The following SHISA9 variants were observed in gnomAD, a reference collection of about 807,000 sequenced individuals.
The protein encoded by SHISA9 is shisa family member 9, also known as protein shisa-9.
In SHISA9, 13 loss-of-function variants were observed where a neutral mutation model predicts 38.0. The observed-to-expected ratio is 0.34, with a 90% confidence interval of 0.22 to 0.54. SHISA9 has a LOEUF of 0.54. Ranked by LOEUF, SHISA9 falls within the 20% of genes least tolerant of loss-of-function variation. The probability of loss-of-function intolerance (pLI) is 0.91; values close to 1 mark genes in which losing one functional copy is unlikely to be tolerated. For synonymous variants in SHISA9, 275 were observed against 242.0 expected (o/e 1.14, Z -1.27); for missense variants, 538 against 575.8 (o/e 0.93, Z 0.67).
At chr16:12,902,755 A>T in intron 1 of SHISA9, 128 bp downstream of exon 1, 1 of 1,038,896 alleles carries the variant, frequency 9.6e-7, no homozygotes. Flanking sequence ...CCGCTGGGGG[A>T]TGTCACCGGG....
At chr16:13,379,324 G>A in the SHISA9 span, among the ~76,000 whole-genome samples, 1 of 151,314 alleles carries the variant, frequency 6.6e-6, no homozygotes, top group East Asian at 1.9e-4. Flanking sequence ...ATATTAAAAT[G>A]CTTGCTCTCT....
the SHISA9 span, among the ~76,000 whole-genome samples, chr16:13,529,628 G>A: frequency 6.6e-6 from 1 of 152,190 alleles, no homozygotes; most frequent in African/African-American, 2.4e-5. Flanking sequence ...CTGCAGTCAC[G>A]CATATTGGCT....
In SHISA9 at chr16:12,912,697, G is replaced by T. The variant is rs571051227; in HGVS notation, c.564-3991G>T. 7.9e-5 allele frequency among the ~76,000 whole-genome samples: 12 copies of T among 152,250 alleles called. No individual in the cohort carries two copies. In the East Asian group the frequency reaches 1.7e-3, roughly 22 times the overall value. On this transcript the variant is annotated intron_variant, in intron 1 of 4. Transcript: ENST00000558583. ...GCTTATTGCACGGAGGTTGCAAGGA[G>T]CCCAAACTTTGATTTCAAAGACGTT... is the stretch of plus-strand genomic sequence containing the variant.
the SHISA9 span, among the ~76,000 whole-genome samples, chr16:13,475,538 C>T: frequency 6.6e-6 from 1 of 151,990 alleles, no homozygotes; most frequent in Non-Finnish European, 1.5e-5. Flanking sequence ...TTGAAACCAA[C>T]TCAATAGTCC....
At chr16:12,926,974 C>G (rs892917623) in intron 2 of SHISA9, among the ~76,000 whole-genome samples, 3 of 152,090 alleles carry the variant, frequency 2.0e-5, no homozygotes, top group Admixed American at 6.5e-5. Context: ...AATAAGAATG[C>G]CAGGTCGGCC....
the SHISA9 span, among the ~76,000 whole-genome samples, chr16:13,253,880 A>C: frequency 2.0e-5 from 3 of 152,216 alleles, no homozygotes; most frequent in Non-Finnish European, 2.9e-5. Context: ...TTAGGAAGAG[A>C]AAAATAAGAC....
chr16:13,466,852 G>T, the SHISA9 span, among the ~76,000 whole-genome samples: 1 of 152,044 alleles, frequency 6.6e-6, no homozygotes, highest in Admixed American at 6.6e-5. Flanking sequence ...CTTAAGCATT[G>T]TTAATTTTAC....
chr16:13,303,490 A>G, the SHISA9 span, among the ~76,000 whole-genome samples: 1 of 151,892 alleles, frequency 6.6e-6, no homozygotes, highest in Non-Finnish European at 1.5e-5. Context: ...GAAGCCAGAC[A>G]CAAAAGGTCA....
At chr16:12,946,503 G>A (rs1406506230) in intron 2 of SHISA9, among the ~76,000 whole-genome samples, 1 of 152,184 alleles carries the variant, frequency 6.6e-6, no homozygotes, top group Admixed American at 6.5e-5. Flanking sequence ...GGAAGGTAGG[G>A]CAGGGGAACA....
At chr16:13,049,788 T>C (rs763199612) in intron 2 of SHISA9, among the ~76,000 whole-genome samples, 2 of 152,190 alleles carry the variant, frequency 1.3e-5, no homozygotes, top group South Asian at 4.2e-4. Flanking sequence ...CCTCCACTTA[T>C]GCTTCCAGAT....
chr16:12,913,780 C>G (rs1393948057), intron 1 of SHISA9, among the ~76,000 whole-genome samples: 1 of 152,154 alleles, frequency 6.6e-6, no homozygotes, highest in African/African-American at 2.4e-5. Flanking sequence ...CCTTTTGTAT[C>G]TGGCCTCTTT....
the SHISA9 span, among the ~76,000 whole-genome samples, chr16:13,391,666 A>C: frequency 2.0e-5 from 3 of 152,190 alleles, no homozygotes; most frequent in African/African-American, 7.2e-5. Context: ...GATCAATTAA[A>C]GGGTGGAATC....
At chr16:13,532,461 A>G in the SHISA9 span, among the ~76,000 whole-genome samples, 63 of 152,208 alleles carry the variant, frequency 4.1e-4, no homozygotes, top group African/African-American at 1.4e-3. Flanking sequence ...CCTGGGCTTG[A>G]ATCCAAGCTG....
intron 1 of SHISA9, among the ~76,000 whole-genome samples, chr16:12,914,652 T>A (rs1186605057): frequency 6.6e-6 from 1 of 152,162 alleles, no homozygotes; most frequent in Non-Finnish European, 1.5e-5. Context: ...AGTCCCTATG[T>A]AATCTCTGTC....
At chr16:13,196,279 T>C (rs2819689) in intron 2 of SHISA9, among the ~76,000 whole-genome samples, 76,982 of 142,544 alleles carry the variant, frequency 0.54, 21,130 homozygotes, top group African/African-American at 0.73. Context: ...TGCCTGTAGT[T>C]CCAGCTACTC....
chr16:12,929,047 A>G (rs988796392), intron 2 of SHISA9, among the ~76,000 whole-genome samples: 4 of 152,246 alleles, frequency 2.6e-5, no homozygotes, highest in African/African-American at 7.2e-5. Flanking sequence ...AAAGTGCAAC[A>G]TTACTGATCA....
chr16:13,537,284 C>A, the SHISA9 span, among the ~76,000 whole-genome samples: 14 of 151,806 alleles, frequency 9.2e-5, no homozygotes, highest in Non-Finnish European at 1.8e-4. Flanking sequence ...AAAAATTTAC[C>A]GGGCATGGTG....
At chr16:13,080,652 A>G (rs1350630270) in intron 2 of SHISA9, among the ~76,000 whole-genome samples, 1 of 152,202 alleles carries the variant, frequency 6.6e-6, no homozygotes, top group Non-Finnish European at 1.5e-5. Context: ...CCTTTTCTTT[A>G]GTTATCATTT....
At chr16:13,344,527 C>T in the SHISA9 span, among the ~76,000 whole-genome samples, 1 of 152,024 alleles carries the variant, frequency 6.6e-6, no homozygotes, top group East Asian at 1.9e-4. Flanking sequence ...AGATCAGATC[C>T]TTGCAATATG....
Sources: allele counts gnomAD v4.1 joint callset (sites outside exome capture counted in the v4.1 genomes callset), GRCh38; gene constraint gnomAD v4.1.1; transcripts MANE v1.5; gene names NCBI Gene and HGNC (gene_info 2026-07-23, HGNC 2026-07-21).